The following MRPL34 variants were observed in gnomAD, a reference collection of about 807,000 sequenced individuals.
MRPL34 encodes large ribosomal subunit protein bL34m.
Under a neutral mutation model 6.7 loss-of-function variants are expected in MRPL34, and 8 were observed. That is an observed-to-expected ratio of 1.20 (90% CI 0.70 to 2.16). The LOEUF (loss-of-function observed/expected upper bound fraction) is 2.16, where lower values mean the gene tolerates loss of function less well. Ranked by LOEUF, MRPL34 falls within the 30% of genes most tolerant of loss-of-function variation. MRPL34 has a pLI of 0.00. For missense variants in MRPL34, 146 were observed against 125.5 expected, an observed-to-expected ratio of 1.16 and a Z score of -0.78; for synonymous variants, 59 against 55.1, an observed-to-expected ratio of 1.07 and a Z score of -0.31.
At chr19:17,301,085 G>C (rs2074115227), upstream of MRPL34, 6 of 1,613,512 alleles carry the variant, frequency 3.7e-6, no homozygotes, top group Non-Finnish European at 4.2e-6. Context: ...ATGAAAAAGA[G>C]CACCACGTCG....
chr19:17,306,187 G>A lies in MRPL34; in HGVS notation c.87G>A (p.Trp29Ter). ...LGGRWLQPRAWLGFPDAWGLP... is the reference protein window; with the variant it reads ...LGGRWLQPRA ...GCAGGTGGCTCCAGCCCCGGGCCTG[G>A]CTGGGGTTCCCAGACGCCTGGGGCC... The change falls in exon 2 of 2, where the codon TGG becomes TGA. Residue 29 changes from tryptophan to a stop codon, truncating the protein, a stop_gained. Transcript: ENST00000252602. LOFTEE classifies it high-confidence loss of function. 1.9e-6 allele frequency: 3 copies of A among 1,539,026 alleles called. No individual in the cohort carries two copies. The highest frequency in any genetic ancestry group is 2.6e-6 in the Non-Finnish European group (3 of 1,144,424).
At chr19:17,305,685 T>C (rs1280959947), upstream of MRPL34, 2 of 615,856 alleles carry the variant, frequency 3.2e-6, no homozygotes, top group South Asian at 3.7e-5. Context: ...CCTGTTGGTG[T>C]GTATGCAGAG....
At chr19:17,301,728 T>C (rs1358438292), upstream of MRPL34, 2 of 1,336,582 alleles carry the variant, frequency 1.5e-6, no homozygotes, top group Admixed American at 3.3e-5. Context: ...TAGACTCCAG[T>C]TTGGGGAGCG....
At chr19:17,294,616 G>T in intron 1 of MRPL34, 2 of 1,607,176 alleles carry the variant, frequency 1.2e-6, no homozygotes, top group South Asian at 2.2e-5. Context: ...CATCCAACTC[G>T]AGCAGATGCC....
rs1228371566 is a variant in MRPL34 at position 17,306,209 on chromosome 19, G to A, written c.109G>A (p.Gly37Ser). The A allele has an allele frequency of 3.2e-6, 5 of 1,557,166 alleles. No individual in the cohort carries two copies. The highest frequency in any genetic ancestry group is 1.9e-5 in the Admixed American group (1 of 51,630). The change falls in exon 2 of 2, where the codon GGC (glycine) becomes AGC (serine). Residue 37 changes from glycine (G) to serine (S), a missense_variant. Gly to Ser is a moderately conservative substitution (Grantham distance 56). Coordinates refer to ENST00000252602, the MANE Select transcript of MRPL34 (RefSeq NM_023937.4). ...RAWLGFPDAW[G>S]LPTPQQARGK... is the part of the protein sequence containing the mutation. ...CTGGCTGGGGTTCCCAGACGCCTGG[G>A]GCCTCCCCACCCCGCAGCAGGCCCG...
intron 1 of MRPL34, among the ~76,000 whole-genome samples, chr19:17,293,976 C>T (rs559510789): frequency 4.6e-5 from 7 of 152,214 alleles, no homozygotes; most frequent in South Asian, 2.1e-4. Context: ...TTATATAGGT[C>T]ACCGGTCTCA....
chr19:17,306,338 C>T lies in MRPL34; in HGVS notation c.238C>T (p.Leu80Phe). ...LSTPAGVQVI[L>F]RRMLKGRKSL... ...CACGCCGGCCGGCGTGCAGGTCATC[C>T]TTCGCCGAATGCTCAAGGGCCGCAA... Residue 80 changes from leucine (L) to phenylalanine (F), a missense_variant, in exon 2 of 2, where the codon CTT (leucine) becomes TTT (phenylalanine). Coordinates refer to ENST00000252602, the MANE Select transcript of MRPL34 (RefSeq NM_023937.4). 1 of 1,609,404 alleles carries T rather than the reference C, an allele frequency of 6.2e-7. No individual in the cohort carries two copies. The highest frequency in any genetic ancestry group is 8.5e-7 in the Non-Finnish European group (1 of 1,179,010).
chr19:17,292,743 T>C (rs773565790), exon 1 of MRPL34: 13 of 1,613,696 alleles, frequency 8.1e-6, no homozygotes, highest in Non-Finnish European at 1.0e-5. Flanking sequence ...CAGGAATTCG[T>C]GGAGCAGCGT....
chr19:17,300,900 C>G, upstream of MRPL34: 1 of 1,607,460 alleles, frequency 6.2e-7, no homozygotes, highest in Non-Finnish European at 8.5e-7. Context: ...TGGCATAGCG[C>G]TTGAAGATTG....
upstream of MRPL34, chr19:17,301,141 T>C (rs1276527288): frequency 1.2e-5 from 19 of 1,612,478 alleles, no homozygotes; most frequent in Non-Finnish European, 1.4e-5. Context: ...ACAGTCAATA[T>C]GGATGGTCCT....
rs1172968556 is a variant in MRPL34, at chr19:17,306,343, C to A, written c.243C>A (p.Arg81=). Residue 81 remains arginine (R), a synonymous_variant, in exon 2 of 2, where the codon CGC becomes CGA. Coordinates refer to ENST00000252602, the MANE Select transcript of MRPL34 (RefSeq NM_023937.4). ...CGGCCGGCGTGCAGGTCATCCTTCG[C>A]CGAATGCTCAAGGGCCGCAAGTCGC... is the stretch of plus-strand genomic sequence containing the variant. The part of the protein sequence containing the change: ...STPAGVQVIL[R]RMLKGRKSLS... 1 of 1,608,782 alleles carries A rather than the reference C, an allele frequency of 6.2e-7. No homozygotes were observed. Among genetic ancestry groups the A allele is most frequent in the East Asian group, 2.2e-5 (1 of 44,766 alleles).
chr19:17,294,090 A>G (rs1333691137), intron 1 of MRPL34, among the ~76,000 whole-genome samples: 1 of 151,986 alleles, frequency 6.6e-6, no homozygotes, highest in African/African-American at 2.4e-5. Context: ...TCTACTTCTG[A>G]TGCTAGACCT....
At chr19:17,304,082 T>G (rs1171095876), upstream of MRPL34, among the ~76,000 whole-genome samples, 2 of 152,220 alleles carry the variant, frequency 1.3e-5, no homozygotes. Flanking sequence ...ATCACTGGCG[T>G]GAGCCATCGT....
upstream of MRPL34, among the ~76,000 whole-genome samples, chr19:17,299,328 G>C (rs1192360448): frequency 6.6e-6 from 1 of 151,120 alleles, no homozygotes; most frequent in Non-Finnish European, 1.5e-5. Flanking sequence ...TTGGGAGGCC[G>C]AGGAGGGCGA....
At chr19:17,294,161 G>T in intron 1 of MRPL34, 1 of 1,197,566 alleles carries the variant, frequency 8.4e-7, no homozygotes, top group Non-Finnish European at 1.1e-6. Context: ...CGCCCACCCG[G>T]CAGCCACGCC....
intron 1 of MRPL34, chr19:17,294,164 G>A (rs1025674607): frequency 2.4e-5 from 29 of 1,233,712 alleles, no homozygotes; most frequent in Middle Eastern, 5.6e-4. Flanking sequence ...CCACCCGGCA[G>A]CCACGCCCCC....
chr19:17,303,896 G>A (rs1332716154), upstream of MRPL34, among the ~76,000 whole-genome samples: 1 of 152,162 alleles, frequency 6.6e-6, no homozygotes, highest in Admixed American at 6.5e-5. Context: ...AGCAAAGCTG[G>A]GACTTGAACC....
intron 1 of MRPL34, among the ~76,000 whole-genome samples, chr19:17,295,267 G>A (rs1010701535): frequency 1.4e-4 from 22 of 151,930 alleles, no homozygotes; most frequent in African/African-American, 5.1e-4. Flanking sequence ...CACCGCGCCC[G>A]GCTAATTTTT....
chr19:17,292,972 A>T, intron 1 of MRPL34: 1 of 921,792 alleles, frequency 1.1e-6, no homozygotes, highest in Non-Finnish European at 1.5e-6. Context: ...CTCCACTTCC[A>T]CTCAAGGGGG....
Sources: allele counts gnomAD v4.1 joint callset (sites outside exome capture counted in the v4.1 genomes callset), GRCh38; gene constraint gnomAD v4.1.1; transcripts MANE v1.5; gene names NCBI Gene and HGNC (gene_info 2026-07-23, HGNC 2026-07-21).